CDK14: variants seen among roughly 807,000 people sequenced by gnomAD.
CDK14 encodes cyclin-dependent kinase 14.
Under a neutral mutation model 60.7 loss-of-function variants are expected in CDK14, and 34 were observed. That is an observed-to-expected ratio of 0.56 (90% CI 0.43 to 0.75). CDK14 has a LOEUF of 0.75. CDK14 is among the 30% of genes least tolerant of loss of function. The pLI is 0.00. For synonymous variants in CDK14, 197 were observed against 203.7 expected, an observed-to-expected ratio of 0.97 and a Z score of 0.28; for missense variants, 482 against 564.1, an observed-to-expected ratio of 0.85 and a Z score of 1.47.
intron 11 of CDK14, among the ~76,000 whole-genome samples, chr7:91,046,761 G>C (rs1354761376): frequency 1.3e-5 from 2 of 151,866 alleles, no homozygotes; most frequent in African/African-American, 2.4e-5. Context: ...ATTACTGAAA[G>C]GGATTTTATA....
At chr7:90,740,255 A>G (rs1005905942) in intron 3 of CDK14, among the ~76,000 whole-genome samples, 47 of 128,482 alleles carry the variant, frequency 3.7e-4, no homozygotes, top group African/African-American at 9.9e-4. Context: ...GTGTGTGTGT[A>G]TATATATATA....
At chr7:90,805,595 C>T (rs1289144291) in intron 5 of CDK14, among the ~76,000 whole-genome samples, 1 of 151,510 alleles carries the variant, frequency 6.6e-6, no homozygotes, top group Non-Finnish European at 1.5e-5. Flanking sequence ...AATTTTTGTA[C>T]TGAAAATTAC....
rs372426210 is a variant in CDK14, at chr7:90,704,310, A to G, written c.124-22257A>G. On this transcript the variant is annotated intron_variant, in intron 2 of 14. Coordinates refer to ENST00000380050, the MANE Select transcript of CDK14 (RefSeq NM_001287135.2). The stretch of plus-strand genomic sequence containing the variant: ...ACTTAGATGAAGTTCATAACAAAAC[A>G]TTTTTTCACCTGAACATATTTTCTG... 2.6e-5 allele frequency among the ~76,000 whole-genome samples: 4 copies of G among 152,120 alleles called. No homozygotes were observed. In the East Asian group the frequency reaches 5.8e-4, roughly 22 times the overall value.
chr7:91,036,502 TC>T (rs943199090), intron 10 of CDK14, among the ~76,000 whole-genome samples: 15 of 152,108 alleles, frequency 9.9e-5, no homozygotes, highest in African/African-American at 2.9e-4. Context: ...TGCCTGTCTC[TC>T]CTGCCTCCCC....
chr7:90,656,168 C>G (rs539075727), intron 2 of CDK14, among the ~76,000 whole-genome samples: 2 of 152,102 alleles, frequency 1.3e-5, no homozygotes, highest in Non-Finnish European at 2.9e-5. Context: ...TTTAGGGACT[C>G]CATTTGGCTT....
chr7:90,599,114 T>C (rs984190816), intron 1 of CDK14, among the ~76,000 whole-genome samples: 4 of 152,226 alleles, frequency 2.6e-5, no homozygotes, highest in Admixed American at 2.6e-4. Context: ...CTGTTTCCCA[T>C]GTTGCCATGC....
At chr7:90,978,700 TCTC>T (rs1220807348) in intron 9 of CDK14, among the ~76,000 whole-genome samples, 1 of 152,140 alleles carries the variant, frequency 6.6e-6, no homozygotes, top group Non-Finnish European at 1.5e-5. Context: ...CCACATATTT[TCTC>T]CTAATTTATT....
intron 11 of CDK14, among the ~76,000 whole-genome samples, chr7:91,066,362 AC>A (rs1797981036): frequency 2.0e-5 from 3 of 151,874 alleles, no homozygotes; most frequent in African/African-American, 7.2e-5. Context: ...GCTCACTCCC[AC>A]TCCTCCCAAA....
intron 5 of CDK14, among the ~76,000 whole-genome samples, chr7:90,854,423 G>A (rs568672289): frequency 6.6e-6 from 1 of 152,260 alleles, no homozygotes; most frequent in African/African-American, 2.4e-5. Context: ...GGTGCCTGTG[G>A]TCCCAGCTGC....
chr7:90,872,594 G>A (rs1438543994), intron 6 of CDK14, among the ~76,000 whole-genome samples: 1 of 152,014 alleles, frequency 6.6e-6, no homozygotes, highest in Non-Finnish European at 1.5e-5. Context: ...TAATAATAAG[G>A]AATGATGGTT....
At chr7:90,967,568 T>A (rs1794790391) in intron 9 of CDK14, among the ~76,000 whole-genome samples, 1 of 152,136 alleles carries the variant, frequency 6.6e-6, no homozygotes, top group South Asian at 2.1e-4. Context: ...ACCATTTAAC[T>A]CTCAGTGAAA....
At chr7:90,835,696 A>T (rs752002040) in intron 5 of CDK14, among the ~76,000 whole-genome samples, 46 of 152,120 alleles carry the variant, frequency 3.0e-4, no homozygotes, top group Non-Finnish European at 5.9e-4. Flanking sequence ...AGTGTACAGT[A>T]CTAGTACAGT....
intron 2 of CDK14, among the ~76,000 whole-genome samples, chr7:90,725,247 G>T (rs1282736258): frequency 2.6e-5 from 4 of 152,068 alleles, no homozygotes; most frequent in Admixed American, 6.6e-5. Context: ...TGCTAATCTT[G>T]CCCGTTCAAT....
chr7:90,706,261 G>A (rs975682174), intron 2 of CDK14, among the ~76,000 whole-genome samples: 4 of 152,086 alleles, frequency 2.6e-5, no homozygotes, highest in South Asian at 2.1e-4. Context: ...GCAGCTTTGC[G>A]CTCTCCCTGC....
chr7:90,924,093 T>G (rs1254830539), intron 8 of CDK14, among the ~76,000 whole-genome samples: 1 of 152,218 alleles, frequency 6.6e-6, no homozygotes, highest in Non-Finnish European at 1.5e-5. Context: ...ATCTGGGTGA[T>G]TTATAAATAA....
At chr7:90,964,790 T>C (rs1211223766) in intron 9 of CDK14, among the ~76,000 whole-genome samples, 1 of 152,196 alleles carries the variant, frequency 6.6e-6, no homozygotes, top group Non-Finnish European at 1.5e-5. Flanking sequence ...ATTATCCTAA[T>C]TTAGAATCTA....
At chr7:90,768,392 T>C (rs1425762726) in intron 4 of CDK14, among the ~76,000 whole-genome samples, 1 of 152,242 alleles carries the variant, frequency 6.6e-6, no homozygotes, top group Non-Finnish European at 1.5e-5. Flanking sequence ...TGTGGGTGTG[T>C]GTATATTACA....
chr7:90,974,362 T>C (rs1795010555), intron 9 of CDK14, among the ~76,000 whole-genome samples: 1 of 152,150 alleles, frequency 6.6e-6, no homozygotes, highest in Non-Finnish European at 1.5e-5. Flanking sequence ...TGAGGCGACA[T>C]ACATCCTCAG....
chr7:91,047,191 G>A (rs1394487019), intron 11 of CDK14, among the ~76,000 whole-genome samples: 2 of 152,294 alleles, frequency 1.3e-5, no homozygotes, highest in East Asian at 3.9e-4. Flanking sequence ...GGCTCTTAAA[G>A]AAGGTTAACT....
Sources: allele counts gnomAD v4.1 joint callset (sites outside exome capture counted in the v4.1 genomes callset), GRCh38; gene constraint gnomAD v4.1.1; transcripts MANE v1.5; gene names NCBI Gene and HGNC (gene_info 2026-07-23, HGNC 2026-07-21).